The following GHR variants were observed in gnomAD, a reference collection of about 807,000 sequenced individuals.
GHR encodes GH receptor.
In GHR, 35 loss-of-function variants were observed where a neutral mutation model predicts 67.1. The ratio of observed to expected loss-of-function variants is 0.52; its 90% CI spans 0.40 to 0.69. The LOEUF is 0.69. GHR is among the 30% of genes least tolerant of loss of function. The pLI is 0.00. For missense variants in GHR, 792 were observed against 764.6 expected (o/e 1.04, Z -0.42); for synonymous variants, 272 against 269.1 (o/e 1.01, Z -0.10).
intron 2 of GHR, among the ~76,000 whole-genome samples, chr5:42,612,322 T>C (rs759173813): frequency 5.9e-5 from 9 of 152,208 alleles, no homozygotes; most frequent in Non-Finnish European, 1.2e-4. Context: ...TAGCTGTGGA[T>C]AACTTTCGGA....
At chr5:42,607,318 A>G (rs1213831907) in intron 2 of GHR, among the ~76,000 whole-genome samples, 1 of 152,204 alleles carries the variant, frequency 6.6e-6, no homozygotes, top group Non-Finnish European at 1.5e-5. Flanking sequence ...GTAAAAGTTG[A>G]GGTGCTATAT....
chr5:42,669,851 T>A (rs915765186), intron 3 of GHR, among the ~76,000 whole-genome samples: 1 of 152,128 alleles, frequency 6.6e-6, no homozygotes, highest in Non-Finnish European at 1.5e-5. Flanking sequence ...CTGAAAACTA[T>A]GAAATGTTGA....
intron 2 of GHR, among the ~76,000 whole-genome samples, chr5:42,610,173 G>C (rs1442619731): frequency 2.0e-5 from 3 of 152,124 alleles, no homozygotes; most frequent in Non-Finnish European, 4.4e-5. Context: ...ATGTTCAAGG[G>C]CAACATGAGG....
intron 1 of GHR, among the ~76,000 whole-genome samples, chr5:42,507,409 C>T (rs2112252688): frequency 6.6e-6 from 1 of 152,324 alleles, no homozygotes; most frequent in East Asian, 1.9e-4. Context: ...TTCACCCAGA[C>T]TAAATGAATG....
At chr5:42,575,134 A>G (rs935880462) in intron 2 of GHR, among the ~76,000 whole-genome samples, 2 of 152,162 alleles carry the variant, frequency 1.3e-5, no homozygotes, top group Non-Finnish European at 2.9e-5. Context: ...AAAGGGAGCT[A>G]TGGAGGAACT....
chr5:42,494,104 T>C (rs901947628), intron 1 of GHR, among the ~76,000 whole-genome samples: 1 of 152,144 alleles, frequency 6.6e-6, no homozygotes, highest in African/African-American at 2.4e-5. Context: ...ATTCTACCTA[T>C]CATGGAAACC....
At chr5:42,558,238 A>C (rs1017003427) in intron 1 of GHR, among the ~76,000 whole-genome samples, 3 of 152,222 alleles carry the variant, frequency 2.0e-5, no homozygotes, top group Non-Finnish European at 2.9e-5. Flanking sequence ...CTAAGTCTTT[A>C]GTGAATTTTT....
chr5:42,424,676 T>G lies in GHR; in HGVS notation c.-12+721T>G. The G allele has an allele frequency of 7.4e-7, 1 of 1,343,214 alleles. No homozygotes were observed. Among genetic ancestry groups the G allele is most frequent in the Admixed American group, 2.0e-5 (1 of 50,784 alleles). 83.2% of individuals were successfully genotyped at this position (1,343,214 alleles called of 1,614,324 possible). On this transcript the variant is annotated intron_variant, in intron 1 of 9. Transcript: ENST00000230882. The surrounding 1 kb of genome is among the most constrained non-coding windows in gnomAD (Gnocchi z 4.1). ...GTTGTAAAATCAACCAGGCTTAAAG[T>G]TTTGACAGAACTGCCAGAGGCTGCG...
At chr5:42,550,345 G>A (rs1477303936) in intron 1 of GHR, among the ~76,000 whole-genome samples, 3 of 152,152 alleles carry the variant, frequency 2.0e-5, no homozygotes, top group Non-Finnish European at 4.4e-5. Context: ...TCGGGGCCAT[G>A]TTCAGCCTCT....
chr5:42,488,270 G>A (rs1024836799), intron 1 of GHR, among the ~76,000 whole-genome samples: 5 of 152,132 alleles, frequency 3.3e-5, no homozygotes, highest in African/African-American at 1.2e-4. Context: ...AATTTGGTAA[G>A]GTAGGAATTT....
At chr5:42,690,797 C>T (rs894688470) in intron 4 of GHR, among the ~76,000 whole-genome samples, 2 of 151,802 alleles carry the variant, frequency 1.3e-5, no homozygotes, top group Admixed American at 1.3e-4. Context: ...GAGGTTGGGG[C>T]CAGTAAACAG....
intron 1 of GHR, among the ~76,000 whole-genome samples, chr5:42,483,982 A>G (rs928534279): frequency 6.6e-6 from 1 of 152,050 alleles, no homozygotes; most frequent in Non-Finnish European, 1.5e-5. Context: ...CAGAGAGAGT[A>G]CTAAGTAGGT....
chr5:42,631,538 A>G (rs1753928516), intron 3 of GHR, among the ~76,000 whole-genome samples: 1 of 152,184 alleles, frequency 6.6e-6, no homozygotes, highest in South Asian at 2.1e-4. Context: ...CCGTGTCACA[A>G]ATATTTAACA....
chr5:42,456,825 A>C (rs1225910567), intron 1 of GHR, among the ~76,000 whole-genome samples: 1 of 152,222 alleles, frequency 6.6e-6, no homozygotes, highest in African/African-American at 2.4e-5. Context: ...TGAATATGGA[A>C]AAATCCCAGG....
At position 42,644,741 on chromosome 5, in the gene GHR, A is replaced by G. The variant is rs368169913; in HGVS notation, c.136+15638A>G. Among the ~76,000 whole-genome samples, 22 of 152,276 alleles carry G rather than the reference A, an allele frequency of 1.4e-4. No individual in the cohort carries two copies. In the East Asian group the frequency reaches 3.9e-3, roughly 27 times the overall value. ...ATTAAAAAAAAGATAGTGGAAGTAC[A>G]CAAAACAGGATTGCTATATGTTGAT... On this transcript the variant is annotated intron_variant, in intron 3 of 9. Coordinates refer to ENST00000230882, the MANE Select transcript of GHR (RefSeq NM_000163.5).
intron 6 of GHR, among the ~76,000 whole-genome samples, chr5:42,709,483 T>C (rs552899291): frequency 1.3e-5 from 2 of 152,248 alleles, no homozygotes; most frequent in South Asian, 2.1e-4. Context: ...CATGTGGTTG[T>C]TTACAGCTAT....
rs1579930423 is a variant in GHR, at chr5:42,555,319, TATGAATTATC to T, written c.-11-10543_-11-10534del. Among the ~76,000 whole-genome samples, 4 of 152,322 alleles carry T rather than the reference TATGAATTATC, an allele frequency of 2.6e-5. No individual in the cohort carries two copies. In the East Asian group the frequency reaches 7.7e-4, roughly 29 times the overall value. On this transcript the variant is annotated intron_variant, in intron 1 of 9. Transcript: ENST00000230882. The stretch of plus-strand genomic sequence containing the variant: ...TTGAAGAAACTGCCATGTCAGCACT[TATGAATTATC>T]ACTGTCTTTGACAGGCCCTATGCAC...
At chr5:42,498,664 C>T (rs1462957409) in intron 1 of GHR, among the ~76,000 whole-genome samples, 2 of 152,204 alleles carry the variant, frequency 1.3e-5, no homozygotes, top group Non-Finnish European at 2.9e-5. Flanking sequence ...AAAAGGCAAA[C>T]GGACAAGCCA....
At chr5:42,546,685 G>A (rs548724569) in intron 1 of GHR, among the ~76,000 whole-genome samples, 1 of 152,308 alleles carries the variant, frequency 6.6e-6, no homozygotes, top group African/African-American at 2.4e-5. Flanking sequence ...TATGCAGAAG[G>A]ATGCCATGAT....
Sources: gnomAD v4.1 joint callset for allele counts (sites outside exome capture counted in the v4.1 genomes callset) on GRCh38, gnomAD v4.1.1 for gene constraint, Gnocchi (gnomAD v3.1) non-coding constraint, MANE v1.5 for transcripts, NCBI Gene and HGNC (gene_info 2026-07-23, HGNC 2026-07-21) for gene names.